The following GJB6 variants were observed in gnomAD, a reference collection of about 807,000 sequenced individuals.
GJB6 encodes gap junction protein beta 6.
Under a neutral mutation model 5.4 loss-of-function variants are expected in GJB6, and 5 were observed. The ratio of observed to expected loss-of-function variants is 0.92; its 90% CI spans 0.48 to 1.93. GJB6 has a LOEUF of 1.93. Ranked by LOEUF, GJB6 falls within the 30% of genes most tolerant of loss-of-function variation. The probability of loss-of-function intolerance (pLI) is 0.01; values close to 1 mark genes in which losing one functional copy is unlikely to be tolerated. For missense variants in GJB6, 298 were observed against 326.9 expected (o/e 0.91, Z 0.68); for synonymous variants, 136 against 129.6 (o/e 1.05, Z -0.34).
intron 4 of GJB6, among the ~76,000 whole-genome samples, chr13:20,225,992 C>T (rs1869550315): frequency 6.6e-6 from 1 of 152,182 alleles, no homozygotes; most frequent in African/African-American, 2.4e-5. Flanking sequence ...GAGGCTCAGG[C>T]TGTGTGAAGG....
chr13:20,225,177 A>G (rs1869492436), intron 4 of GJB6: 1 of 152,122 alleles, frequency 6.6e-6, no homozygotes, highest in South Asian at 2.1e-4. Context: ...TTAAGCAACA[A>G]TTCTCCATTC....
intron 4 of GJB6, among the ~76,000 whole-genome samples, chr13:20,226,014 T>A (rs978142410): frequency 1.3e-5 from 2 of 152,108 alleles, no homozygotes; most frequent in Non-Finnish European, 2.9e-5. Context: ...AACAGAGTGC[T>A]GGGCTCCCCG....
In GJB6 at chr13:20,223,180, C is replaced by T. The variant is rs571454176; in HGVS notation, c.301G>A (p.Glu101Lys). Residue 101 changes from glutamate (E) to lysine (K), a missense_variant, in exon 5 of 5, where the codon GAA becomes AAA. Physicochemically the swap from Glu to Lys is moderately conservative, Grantham distance 56. Coordinates refer to ENST00000647029, the MANE Select transcript of GJB6 (RefSeq NM_001110219.3). ...CCTCGCCTGAACTTGCGAGTGGTTT[C>T]GTGCCTGTAGTAGGCCACATGCATG... ...VAMHVAYYRH[E>K]TTRKFRRGEK... The T allele has an allele frequency of 8.2e-5, 132 of 1,613,064 alleles. 2 individuals are homozygous for T. The South Asian group carries it at 1.2e-3, about 14-fold the overall frequency.
intron 4 of GJB6, among the ~76,000 whole-genome samples, chr13:20,226,720 G>A (rs991244400): frequency 1.3e-5 from 2 of 152,170 alleles, no homozygotes; most frequent in African/African-American, 4.8e-5. Context: ...TATGGGGTCA[G>A]TCCTGTTTAT....
intron 4 of GJB6, among the ~76,000 whole-genome samples, chr13:20,224,520 G>A (rs187167817): frequency 9.2e-5 from 14 of 152,246 alleles, no homozygotes; most frequent in African/African-American, 3.1e-4. Context: ...TTTGCGCCAG[G>A]GGCAGCCGAG....
rs147439382 is a variant in GJB6, at chr13:20,227,280, C to T, written c.-16+2300G>A. 1.2e-4 allele frequency among the ~76,000 whole-genome samples: 18 copies of T among 152,226 alleles called. No homozygotes were observed. In the South Asian group the frequency reaches 2.7e-3, roughly 23 times the overall value. Reference sequence around the variant, plus strand: ...AGAATATAATCTGTTTCACAATGCGCGCTTCTCGATACCGGTACTAAAAAT... The same window carrying T: ...AGAATATAATCTGTTTCACAATGCGTGCTTCTCGATACCGGTACTAAAAAT... On this transcript the variant is annotated intron_variant, in intron 4 of 4. Transcript: ENST00000647029.
intron 4 of GJB6, among the ~76,000 whole-genome samples, chr13:20,224,830 G>C (rs1472965236): frequency 2.0e-5 from 3 of 152,156 alleles, no homozygotes; most frequent in African/African-American, 7.2e-5. Flanking sequence ...AGTCACCAAA[G>C]TCCTTCTCTT....
chr13:20,225,195 C>T (rs114364802), intron 4 of GJB6: 3,060 of 152,312 alleles, frequency 0.02, 110 homozygotes, highest in African/African-American at 0.07. Context: ...TTCCCCCCTC[C>T]CCAGCCCCTA....
At chr13:20,229,131 A>G (rs1869864648) in intron 4 of GJB6, among the ~76,000 whole-genome samples, 1 of 139,284 alleles carries the variant, frequency 7.2e-6, no homozygotes, top group African/African-American at 2.7e-5. Context: ...AGCAAAAAAA[A>G]AAAAAAAAAA....
chr13:20,224,944 C>A (rs1049167785), intron 4 of GJB6, among the ~76,000 whole-genome samples: 2 of 152,186 alleles, frequency 1.3e-5, no homozygotes, highest in African/African-American at 2.4e-5. Context: ...CACACACCTG[C>A]CCCTCTGCAT....
chr13:20,228,610 G>A (rs1284970494), intron 4 of GJB6, among the ~76,000 whole-genome samples: 4 of 144,716 alleles, frequency 2.8e-5, no homozygotes, highest in East Asian at 2.0e-4. Flanking sequence ...CAGCCTCTCT[G>A]AGCAGCTGGG....
chr13:20,222,499 C>T lies in GJB6; in HGVS notation c.*196G>A. The T allele has an allele frequency of 1.7e-6, 1 of 595,466 alleles. No homozygotes were observed. The highest frequency in any genetic ancestry group is 2.1e-5 in the South Asian group (1 of 48,054). 36.9% of individuals were successfully genotyped at this position (595,466 alleles called of 1,614,324 possible). On this transcript the variant is annotated 3_prime_UTR_variant, in exon 5 of 5. Transcript: ENST00000647029. ...CCTTTGTCAAGCAGTCTCTTGTTTTCAGAGATGGACCACATATTTGATTAC... is the reference window on the plus strand; with the variant it reads ...CCTTTGTCAAGCAGTCTCTTGTTTTTAGAGATGGACCACATATTTGATTAC...
Position 20,222,128 on chromosome 13 carries a change from C to T in GJB6, c.*567G>A, listed in dbSNP as rs1200455259. 1 of 155,272 alleles carries T rather than the reference C, an allele frequency of 6.4e-6. No homozygotes were observed. The highest frequency in any genetic ancestry group is 1.4e-5 in the Non-Finnish European group (1 of 69,820). The allele number at this position is 155,272 out of a possible 1,614,324, so 9.6% of individuals were successfully genotyped here. A position where few individuals can be genotyped will look rare whatever the true frequency, so the allele number is the denominator to read the frequency against. On this transcript the variant is annotated 3_prime_UTR_variant, in exon 5 of 5. Coordinates refer to ENST00000647029, the MANE Select transcript of GJB6 (RefSeq NM_001110219.3). ...TATATTGTGCAATGAACACTTTCCA[C>T]CTTAAGCGTATCATGACAGTTCACA...
At position 20,222,056 on chromosome 13, in the gene GJB6, C is replaced by T. The variant is rs1869208652; in HGVS notation, c.*639G>A. ...TTGGCAAACGGATGAGTTAAAAAAGCCTTCTGCTTCCACACTGTTCCGTCT... is the reference window on the plus strand; with the variant it reads ...TTGGCAAACGGATGAGTTAAAAAAGTCTTCTGCTTCCACACTGTTCCGTCT... On this transcript the variant is annotated 3_prime_UTR_variant, in exon 5 of 5. Coordinates refer to ENST00000647029, the MANE Select transcript of GJB6 (RefSeq NM_001110219.3). 1 of 152,878 alleles carries T rather than the reference C, an allele frequency of 6.5e-6. No homozygotes were observed. Among genetic ancestry groups the T allele is most frequent in the Non-Finnish European group, 1.5e-5 (1 of 68,136 alleles). 9.5% of individuals were successfully genotyped at this position (152,878 alleles called of 1,614,324 possible).
intron 3 of GJB6, among the ~76,000 whole-genome samples, chr13:20,230,430 T>C (rs1870005945): frequency 6.6e-6 from 1 of 152,176 alleles, no homozygotes. Context: ...GCAATATATG[T>C]TTGTTCATTC....
Position 20,223,081 on chromosome 13 carries a change from A to G in GJB6, c.400T>C (p.Trp134Arg). ...QKVRIEGSLW[W>R]TYTSSIFFRI... ...AAAAAGATGCTGCTGGTGTACGTCC[A>G]CCACAGCGACCCCTCTATCCGAACC... is the stretch of plus-strand genomic sequence containing the variant. The change falls in exon 5 of 5, where the codon TGG (tryptophan) becomes CGG (arginine). Residue 134 changes from tryptophan to arginine, a missense_variant. Trp to Arg is a moderately radical substitution (Grantham distance 101, BLOSUM62 -3). Transcript: ENST00000647029. 1.2e-6 allele frequency: 2 copies of G among 1,613,932 alleles called. No homozygotes were observed. Among genetic ancestry groups the G allele is most frequent in the South Asian group, 1.1e-5 (1 of 91,086 alleles).
At chr13:20,230,533 T>C (rs1005126336) in intron 3 of GJB6, among the ~76,000 whole-genome samples, 165 bp downstream of exon 3, 2 of 152,176 alleles carry the variant, frequency 1.3e-5, no homozygotes, top group Non-Finnish European at 2.9e-5. Flanking sequence ...GGGTTCCAGG[T>C]CTATGCTCAT....
intron 4 of GJB6, among the ~76,000 whole-genome samples, chr13:20,227,261 T>C (rs906856378): frequency 6.6e-6 from 1 of 152,204 alleles, no homozygotes; most frequent in Non-Finnish European, 1.5e-5. Flanking sequence ...GAACAGAATA[T>C]AATCTGTTTC....
Position 20,223,793 on chromosome 13 carries a change from A to G in GJB6, c.-15-298T>C, listed in dbSNP as rs138802045. Among the ~76,000 whole-genome samples the G allele has an allele frequency of 0.021, 3,157 of 151,804 alleles. 120 individuals carry two copies. Among genetic ancestry groups the G allele is most frequent in the African/African-American group, 0.072 (2,984 of 41,288 alleles). On this transcript the variant is annotated intron_variant, in intron 4 of 4. Coordinates refer to ENST00000647029, the MANE Select transcript of GJB6 (RefSeq NM_001110219.3). The stretch of plus-strand genomic sequence containing the variant: ...ATCCTGGCTAACAAGGTAAAACCCC[A>G]TCTCTACTAACAATACGAAAAAAAA...
Sources: allele counts gnomAD v4.1 joint callset (sites outside exome capture counted in the v4.1 genomes callset), GRCh38; gene constraint gnomAD v4.1.1; transcripts MANE v1.5; gene names NCBI Gene and HGNC (gene_info 2026-07-23, HGNC 2026-07-21).